Variants in OR3A2 observed in about 807,000 individuals in gnomAD.
The protein encoded by OR3A2 is olfactory receptor 3A2.
For missense variants in OR3A2, 318 were observed against 392.8 expected (o/e 0.81, Z 1.61); for synonymous variants, 126 against 159.3 (o/e 0.79, Z 1.57).
intron 2 of OR3A2, among the ~76,000 whole-genome samples, chr17:3,340,590 C>A (rs1240745471): frequency 6.6e-6 from 1 of 151,632 alleles, no homozygotes; most frequent in Non-Finnish European, 1.5e-5. Context: ...GAGTGAGTTT[C>A]TTAATCTTGA....
intron 2 of OR3A2, among the ~76,000 whole-genome samples, chr17:3,344,556 C>T (rs548586929): frequency 6.6e-6 from 1 of 152,150 alleles, no homozygotes; most frequent in Admixed American, 6.5e-5. Flanking sequence ...GATTTCTTTG[C>T]CTGCAAACCT....
chr17:3,327,988 T>G (rs1453162937), intron 3 of OR3A2, among the ~76,000 whole-genome samples: 1 of 141,098 alleles, frequency 7.1e-6, no homozygotes, highest in Non-Finnish European at 1.5e-5. Context: ...AGTCAGGTAG[T>G]GTGATGCCTC....
chr17:3,349,103 C>A (rs1030460113), intron 2 of OR3A2, among the ~76,000 whole-genome samples: 3 of 152,086 alleles, frequency 2.0e-5, no homozygotes, highest in South Asian at 2.1e-4. Context: ...ACCATTGAGA[C>A]TAGGAAGAAA....
At chr17:3,357,115 A>G (rs1486737064) in intron 2 of OR3A2, among the ~76,000 whole-genome samples, 1 of 151,798 alleles carries the variant, frequency 6.6e-6, no homozygotes, top group East Asian at 1.9e-4. Context: ...TCATGTATAT[A>G]ACACACTAGT....
chr17:3,375,996 G>A (rs951537270), intron 2 of OR3A2, among the ~76,000 whole-genome samples: 2 of 152,238 alleles, frequency 1.3e-5, no homozygotes, highest in Non-Finnish European at 2.9e-5. Context: ...TGCTCTGGTG[G>A]AGGTGGCAAA....
chr17:3,368,097 C>T (rs2049580394), intron 2 of OR3A2, among the ~76,000 whole-genome samples: 2 of 151,862 alleles, frequency 1.3e-5, no homozygotes, highest in African/African-American at 4.8e-5. Flanking sequence ...TTTTTTCTTG[C>T]TGATTTGTTT....
At chr17:3,279,867 G>A (rs1240463840) in intron 1 of OR3A2, among the ~76,000 whole-genome samples, 1 of 152,148 alleles carries the variant, frequency 6.6e-6, no homozygotes, top group South Asian at 2.1e-4. Context: ...CAAAGCTGTA[G>A]CAAGAATCAG....
intron 3 of OR3A2, among the ~76,000 whole-genome samples, chr17:3,330,912 T>C (rs1483996596): frequency 1.3e-5 from 2 of 152,080 alleles, no homozygotes; most frequent in African/African-American, 2.4e-5. Context: ...GGCCTGGTGG[T>C]GACAAAATCT....
At chr17:3,278,481 A>G in exon 2 of OR3A2, 1 of 1,614,184 alleles carries the variant, frequency 6.2e-7, no homozygotes, top group Non-Finnish European at 8.5e-7. Flanking sequence ...AGCCACCAAC[A>G]TCCTCTGGAC....
At chr17:3,318,543 C>T (rs1193618664) in intron 3 of OR3A2, among the ~76,000 whole-genome samples, 2 of 152,196 alleles carry the variant, frequency 1.3e-5, no homozygotes, top group African/African-American at 4.8e-5. Flanking sequence ...CTTCACACCC[C>T]AGAACTTCCT....
chr17:3,318,350 G>A (rs1051489994), intron 3 of OR3A2, among the ~76,000 whole-genome samples: 4 of 152,214 alleles, frequency 2.6e-5, no homozygotes, highest in Non-Finnish European at 4.4e-5. Flanking sequence ...GAGAGTGGAA[G>A]AGGCCAATTA....
At chr17:3,358,267 T>G (rs1363359397) in intron 2 of OR3A2, among the ~76,000 whole-genome samples, 1 of 151,824 alleles carries the variant, frequency 6.6e-6, no homozygotes, top group Non-Finnish European at 1.5e-5. Flanking sequence ...TCTTGTGTCT[T>G]GATTTCCCCT....
chr17:3,367,457 A>C (rs923655604), intron 2 of OR3A2, among the ~76,000 whole-genome samples: 7 of 151,116 alleles, frequency 4.6e-5, no homozygotes, highest in Admixed American at 1.3e-4. Context: ...GTGAGAACAT[A>C]TGATGTTTGA....
intron 3 of OR3A2, among the ~76,000 whole-genome samples, chr17:3,294,894 T>C (rs1029623011): frequency 6.6e-6 from 1 of 152,140 alleles, no homozygotes; most frequent in African/African-American, 2.4e-5. Flanking sequence ...AATCTGAGAA[T>C]TCAAGGAAAG....
upstream of OR3A2, among the ~76,000 whole-genome samples, chr17:3,287,071 C>T (rs1023079040): frequency 6.6e-6 from 1 of 152,068 alleles, no homozygotes; most frequent in Admixed American, 6.6e-5. Flanking sequence ...GTCTTTAATC[C>T]ATCTTGTGGT....
intron 2 of OR3A2, among the ~76,000 whole-genome samples, chr17:3,350,029 AGCAGT>A (rs1283522262): frequency 0.019 from 2,878 of 148,276 alleles, 91 homozygotes; most frequent in African/African-American, 0.067. Context: ...ACACATTCAA[AGCAGT>A]GTGTAGAGGG....
chr17:3,386,304 G>T (rs555007418), upstream of OR3A2: 20 of 398,370 alleles, frequency 5.0e-5, no homozygotes, highest in African/African-American at 3.7e-4. Flanking sequence ...GCCCGACGGC[G>T]GCGTGCCGGC....
At chr17:3,276,704 TA>T (rs1319817549), downstream of OR3A2, among the ~76,000 whole-genome samples, 1 of 152,190 alleles carries the variant, frequency 6.6e-6, no homozygotes, top group Admixed American at 6.5e-5. Flanking sequence ...TTGAAAATTC[TA>T]AGGACCTGAT....
intron 2 of OR3A2, among the ~76,000 whole-genome samples, chr17:3,376,813 G>T (rs2049688909): frequency 1.3e-5 from 2 of 151,926 alleles, no homozygotes; most frequent in African/African-American, 4.8e-5. Flanking sequence ...CCCCAATTCT[G>T]CTGGCTGCCT....
Sources: allele counts gnomAD v4.1 joint callset (sites outside exome capture counted in the v4.1 genomes callset), GRCh38; gene constraint gnomAD v4.1.1; transcripts MANE v1.5; gene names NCBI Gene and HGNC (gene_info 2026-07-23, HGNC 2026-07-21).